Variants in RBMS1 observed in about 807,000 individuals in gnomAD.
The protein encoded by RBMS1 is RNA-binding motif, single-stranded-interacting protein 1.
Under a neutral mutation model 62.3 loss-of-function variants are expected in RBMS1, and 17 were observed. The ratio of observed to expected loss-of-function variants is 0.27; its 90% CI spans 0.19 to 0.41. The LOEUF (loss-of-function observed/expected upper bound fraction) is 0.41, where lower values mean the gene tolerates loss of function less well. RBMS1 is among the 10% of genes least tolerant of loss of function. The pLI is 1.00. For synonymous variants in RBMS1, 172 were observed against 170.0 expected (o/e 1.01, Z -0.09); for missense variants, 334 against 504.5 (o/e 0.66, Z 3.24).
intron 1 of RBMS1, among the ~76,000 whole-genome samples, chr2:160,474,259 A>T (rs1685040306): frequency 6.6e-6 from 1 of 152,232 alleles, no homozygotes; most frequent in African/African-American, 2.4e-5. Flanking sequence ...AGGTAAAATA[A>T]AAAGAAACAA....
At chr2:160,291,135 C>A (rs532542784) in intron 6 of RBMS1, among the ~76,000 whole-genome samples, 2 of 152,340 alleles carry the variant, frequency 1.3e-5, no homozygotes, top group Non-Finnish European at 2.9e-5. Flanking sequence ...ACTTGGAGCT[C>A]TCTAGAGTTT....
chr2:160,296,045 G>A (rs1057163064), intron 6 of RBMS1, among the ~76,000 whole-genome samples: 1 of 152,206 alleles, frequency 6.6e-6, no homozygotes, highest in African/African-American at 2.4e-5. Flanking sequence ...GGCTGACACC[G>A]TAGGAGCAAG....
intron 1 of RBMS1, among the ~76,000 whole-genome samples, chr2:160,413,017 GA>G (rs1365035616): frequency 6.6e-6 from 1 of 151,742 alleles, no homozygotes; most frequent in African/African-American, 2.4e-5. Flanking sequence ...TTGAAAGAAG[GA>G]AAAAAAATGG....
intron 1 of RBMS1, among the ~76,000 whole-genome samples, chr2:160,434,106 G>T (rs1236993695): frequency 6.6e-6 from 1 of 152,182 alleles, no homozygotes; most frequent in East Asian, 1.9e-4. Context: ...CTAGTCAAAT[G>T]ACTTCGATAT....
At chr2:160,282,320 G>A in intron 9 of RBMS1, 2 of 1,367,734 alleles carry the variant, frequency 1.5e-6, no homozygotes, top group Non-Finnish European at 2.0e-6. Flanking sequence ...GCAGACCAAA[G>A]TTAAGTGCTT....
intron 1 of RBMS1, among the ~76,000 whole-genome samples, chr2:160,435,021 C>T (rs1267268356): frequency 6.6e-6 from 1 of 152,184 alleles, no homozygotes; most frequent in Non-Finnish European, 1.5e-5. Flanking sequence ...AGGAATTAGA[C>T]ATTTAAAGAG....
chr2:160,412,026 A>G (rs1696058403), intron 1 of RBMS1, among the ~76,000 whole-genome samples: 1 of 152,238 alleles, frequency 6.6e-6, no homozygotes, highest in South Asian at 2.1e-4. Context: ...GTTTTTGTCC[A>G]GTTTCCTTTA....
intron 4 of RBMS1, among the ~76,000 whole-genome samples, chr2:160,312,013 G>A (rs2105963334): frequency 6.6e-6 from 1 of 152,310 alleles, no homozygotes; most frequent in East Asian, 1.9e-4. Context: ...AGAGATGCAT[G>A]TCATTCCAAG....
chr2:160,323,629 A>C (rs934685481), intron 2 of RBMS1, among the ~76,000 whole-genome samples: 2 of 151,520 alleles, frequency 1.3e-5, no homozygotes, highest in African/African-American at 2.4e-5. Context: ...AAAAAAAAAA[A>C]AACTGTGACT....
At chr2:160,333,790 C>G (rs533399324) in intron 2 of RBMS1, among the ~76,000 whole-genome samples, 2 of 152,130 alleles carry the variant, frequency 1.3e-5, no homozygotes, top group East Asian at 3.9e-4. Context: ...GAGCATAAAA[C>G]AGAAGAAACA....
intron 2 of RBMS1, among the ~76,000 whole-genome samples, chr2:160,320,527 G>C (rs1559376100): frequency 6.6e-6 from 1 of 152,132 alleles, no homozygotes; most frequent in Non-Finnish European, 1.5e-5. Context: ...GAGGTGTCTG[G>C]GTTGTGGGGG....
chr2:160,408,500 A>G (rs926511109), intron 1 of RBMS1: 1 of 152,214 alleles, frequency 6.6e-6, no homozygotes, highest in Non-Finnish European at 1.5e-5. Flanking sequence ...TCCCTAAGCC[A>G]GAGTTTACCA....
chr2:160,390,046 G>C (rs1694778480), intron 1 of RBMS1, among the ~76,000 whole-genome samples: 1 of 152,144 alleles, frequency 6.6e-6, no homozygotes, highest in South Asian at 2.1e-4. Flanking sequence ...AAATGGGCAA[G>C]AATATTACAA....
At chr2:160,483,557 T>A (rs1017195646) in intron 1 of RBMS1, among the ~76,000 whole-genome samples, 5 of 152,202 alleles carry the variant, frequency 3.3e-5, no homozygotes, top group Non-Finnish European at 7.3e-5. Context: ...TACTTAATCA[T>A]AATCTACAGC....
chr2:160,418,342 C>T (rs772718256), intron 1 of RBMS1, among the ~76,000 whole-genome samples: 3 of 152,166 alleles, frequency 2.0e-5, no homozygotes, highest in Non-Finnish European at 2.9e-5. Context: ...CACCCTTTTA[C>T]GGTACCTGGA....
rs1390221498 is a variant in RBMS1, at chr2:160,367,218, T to C, written c.249A>G (p.Gln83=). 1.9e-6 allele frequency: 3 copies of C among 1,612,820 alleles called. No individual in the cohort carries two copies. Among genetic ancestry groups the C allele is most frequent in the Non-Finnish European group, 1.7e-6 (2 of 1,179,538 alleles). Residue 83 remains glutamine, a splice_region_variant and synonymous_variant, in exon 2 of 14, where the codon CAA becomes CAG. Coordinates refer to ENST00000348849, the MANE Select transcript of RBMS1 (RefSeq NM_016836.4). The stretch of plus-strand genomic sequence containing the variant: ...TAATAGGAACAACTACTACTTACGG[T>C]TGACAGAGCTTCACCAGGTCCTGGT... The part of the protein sequence containing the change: ...TTDQDLVKLC[Q]PYGKIVSTKA...
chr2:160,452,655 C>T (rs2105321161), intron 1 of RBMS1, among the ~76,000 whole-genome samples: 1 of 152,306 alleles, frequency 6.6e-6, no homozygotes, highest in South Asian at 2.1e-4. Flanking sequence ...GTCAGTGCAA[C>T]AGGCTTAGAA....
chr2:160,343,064 C>T (rs572039936), intron 2 of RBMS1, among the ~76,000 whole-genome samples: 102 of 152,244 alleles, frequency 6.7e-4, no homozygotes, highest in African/African-American at 2.3e-3. Context: ...AACTGAGATC[C>T]CAGGCAACAC....
chr2:160,456,331 T>C (rs1007924906), intron 1 of RBMS1, among the ~76,000 whole-genome samples: 2 of 152,160 alleles, frequency 1.3e-5, no homozygotes, highest in African/African-American at 2.4e-5. Flanking sequence ...GATGAGGAAA[T>C]TGCTGTTCAA....
Sources: allele counts gnomAD v4.1 joint callset (sites outside exome capture counted in the v4.1 genomes callset), GRCh38; gene constraint gnomAD v4.1.1; transcripts MANE v1.5; gene names NCBI Gene and HGNC (gene_info 2026-07-23, HGNC 2026-07-21).